Variants in CNST observed in about 807,000 individuals in gnomAD.
The protein encoded by CNST is consortin.
In CNST, 39 loss-of-function variants were observed where a neutral mutation model predicts 72.4. That is an observed-to-expected ratio of 0.54 (90% CI 0.42 to 0.70). The LOEUF (loss-of-function observed/expected upper bound fraction) is 0.70, where lower values mean the gene tolerates loss of function less well. Ranked by LOEUF, CNST falls within the 30% of genes least tolerant of loss-of-function variation. The probability of loss-of-function intolerance (pLI) is 0.00; values close to 1 mark genes in which losing one functional copy is unlikely to be tolerated. For synonymous variants in CNST, 332 were observed against 320.1 expected (o/e 1.04, Z -0.40); for missense variants, 871 against 868.5 (o/e 1.00, Z -0.04).
At chr1:246,627,344 A>T (rs1664503651) in intron 3 of CNST, among the ~76,000 whole-genome samples, 1 of 151,544 alleles carries the variant, frequency 6.6e-6, no homozygotes, top group African/African-American at 2.4e-5. Context: ...TCCTTAACTC[A>T]CTCCTTTCCA....
At chr1:246,596,627 T>C (rs182336963) in intron 2 of CNST, among the ~76,000 whole-genome samples, 1 of 152,336 alleles carries the variant, frequency 6.6e-6, no homozygotes, top group Admixed American at 6.5e-5. Context: ...TCACTGATTT[T>C]TGGTATACTC....
At position 246,633,983 on chromosome 1, in the gene CNST, A is replaced by C; in HGVS notation, c.676A>C (p.Asn226His). 6.2e-7 allele frequency: 1 copy of C among 1,613,052 alleles called. No individual in the cohort carries two copies. ...ERLYHEQLLANLSAIQEQWET... is the reference protein window; with the variant it reads ...ERLYHEQLLAHLSAIQEQWET... ...ATTGTATCATGAGCAATTGCTCGCAAATCTTTCTGCCATTCAAGAACAGTG... is the reference window on the plus strand; with the variant it reads ...ATTGTATCATGAGCAATTGCTCGCACATCTTTCTGCCATTCAAGAACAGTG... The change falls in exon 5 of 11, where the codon AAT becomes CAT. Residue 226 changes from asparagine to histidine, a missense_variant. Physicochemically the swap from Asn to His is moderately conservative, Grantham distance 68. Coordinates refer to ENST00000366513, the MANE Select transcript of CNST (RefSeq NM_152609.3).
intron 1 of CNST, among the ~76,000 whole-genome samples, chr1:246,568,182 T>C (rs1659844112): frequency 6.6e-6 from 1 of 152,136 alleles, no homozygotes; most frequent in Non-Finnish European, 1.5e-5. Flanking sequence ...AAACACATTG[T>C]GGTTAAAAAC....
At chr1:246,611,282 G>C (rs1267632592) in intron 2 of CNST, among the ~76,000 whole-genome samples, 1 of 152,052 alleles carries the variant, frequency 6.6e-6, no homozygotes, top group East Asian at 1.9e-4. Context: ...GTCTTGTTCA[G>C]GCATACCTTT....
intron 1 of CNST, among the ~76,000 whole-genome samples, chr1:246,584,180 G>T (rs1014812033): frequency 6.6e-6 from 1 of 152,196 alleles, no homozygotes; most frequent in Admixed American, 6.5e-5. Context: ...GGTCTCAAGC[G>T]ATCCTCGCAG....
intron 6 of CNST, among the ~76,000 whole-genome samples, chr1:246,639,459 G>A (rs538233408): frequency 1.3e-5 from 2 of 152,092 alleles, no homozygotes; most frequent in East Asian, 1.9e-4. Flanking sequence ...GTGTGCGGTC[G>A]GTTGTGAGCC....
intron 2 of CNST, among the ~76,000 whole-genome samples, chr1:246,594,336 A>G (rs952406000): frequency 6.6e-6 from 1 of 152,180 alleles, no homozygotes; most frequent in Non-Finnish European, 1.5e-5. Flanking sequence ...GTTATTTAGT[A>G]TTTATAATAC....
In CNST at chr1:246,568,199, G is replaced by C. The variant is rs143698520; in HGVS notation, c.-52+1536G>C. Among the ~76,000 whole-genome samples, 665 of 152,230 alleles carry C rather than the reference G, an allele frequency of 4.4e-3. 3 individuals carry two copies. Among genetic ancestry groups the C allele is most frequent in the African/African-American group, 0.015 (638 of 41,520 alleles). On this transcript the variant is annotated intron_variant, in intron 1 of 10. Transcript: ENST00000366513. ...ACACATTGTGGTTAAAAACAAAACAGTTATTTTAAAATGCACTGTCTTATT... is the reference window on the plus strand; with the variant it reads ...ACACATTGTGGTTAAAAACAAAACACTTATTTTAAAATGCACTGTCTTATT...
chr1:246,647,942 C>A lies in CNST; in HGVS notation c.1741C>A (p.Pro581Thr), dbSNP rs764848856. 3.7e-6 allele frequency: 6 copies of A among 1,613,448 alleles called. No homozygotes were observed. The change falls in exon 9 of 11, where the codon CCT (proline) becomes ACT (threonine). Residue 581 changes from proline (P) to threonine (T), a missense_variant. Physicochemically the swap from Pro to Thr is conservative, Grantham distance 38 (BLOSUM62 -1). Coordinates refer to ENST00000366513, the MANE Select transcript of CNST (RefSeq NM_152609.3). ...CTCCGATCTCCTTCAAGATCTCTCTCCTGAAGAAGCATCCTATAGTCTCCA... is the reference window on the plus strand; with the variant it reads ...CTCCGATCTCCTTCAAGATCTCTCTACTGAAGAAGCATCCTATAGTCTCCA... ...DDSDLLQDLS[P>T]EEASYSLQEN...
intron 2 of CNST, among the ~76,000 whole-genome samples, chr1:246,597,595 C>T (rs1444319398): frequency 6.6e-6 from 1 of 152,206 alleles, no homozygotes; most frequent in African/African-American, 2.4e-5. Context: ...GAAGGGAAGA[C>T]CTTTCTCAAT....
At chr1:246,614,750 G>A (rs1663571834) in intron 2 of CNST, among the ~76,000 whole-genome samples, 1 of 152,148 alleles carries the variant, frequency 6.6e-6, no homozygotes, top group Non-Finnish European at 1.5e-5. Context: ...GATTACAGAT[G>A]TGAGCCACCA....
At position 246,647,417 on chromosome 1, in the gene CNST, G is replaced by T; in HGVS notation, c.1216G>T (p.Glu406Ter). The T allele has an allele frequency of 1.2e-6, 2 of 1,614,218 alleles. No individual in the cohort carries two copies. Among genetic ancestry groups the T allele is most frequent in the Non-Finnish European group, 1.7e-6 (2 of 1,180,044 alleles). The change falls in exon 9 of 11, where the codon GAG becomes TAG. Residue 406 changes from glutamate (E) to a stop codon, truncating the protein, a stop_gained. Coordinates refer to ENST00000366513, the MANE Select transcript of CNST (RefSeq NM_152609.3). LOFTEE classifies it high-confidence loss of function. ...DDSRLQLAQTEACQDVARIEG... is the reference protein window; with the variant it reads ...DDSRLQLAQT ...CAGTCGCTTGCAGCTGGCTCAAACA[G>T]AGGCCTGCCAGGATGTGGCCAGAAT...
chr1:246,566,559 A>C lies in CNST; in HGVS notation c.-156A>C. On this transcript the variant is annotated 5_prime_UTR_variant, in exon 1 of 11. Transcript: ENST00000366513. ...GTCTCCTCCACCGGAGCCAGGGGAGACCCGAGCAAGCTCCGTGACAGCACG... is the reference window on the plus strand; with the variant it reads ...GTCTCCTCCACCGGAGCCAGGGGAGCCCCGAGCAAGCTCCGTGACAGCACG... 1 of 410,398 alleles carries C rather than the reference A, an allele frequency of 2.4e-6. No homozygotes were observed. Among genetic ancestry groups the C allele is most frequent in the Non-Finnish European group, 4.3e-6 (1 of 231,256 alleles). The allele number at this position is 410,398 out of a possible 1,614,324, so 25.4% of individuals were successfully genotyped here. A position where few individuals can be genotyped will look rare whatever the true frequency, so the allele number is the denominator to read the frequency against.
At chr1:246,655,442 C>T (rs936132454) in intron 9 of CNST, among the ~76,000 whole-genome samples, 1 of 152,132 alleles carries the variant, frequency 6.6e-6, no homozygotes, top group African/African-American at 2.4e-5. Flanking sequence ...ATCAATCTGC[C>T]ATAGAAGGAG....
intron 1 of CNST, among the ~76,000 whole-genome samples, chr1:246,575,903 T>A (rs28515004): frequency 6.6e-6 from 1 of 152,110 alleles, no homozygotes; most frequent in Admixed American, 6.5e-5. Context: ...AGAACAATAC[T>A]GACACTTTAA....
chr1:246,639,769 C>A (rs148945793), intron 6 of CNST, among the ~76,000 whole-genome samples: 1 of 152,184 alleles, frequency 6.6e-6, no homozygotes, highest in Admixed American at 6.5e-5. Flanking sequence ...CAGCACAAAG[C>A]GGTGTGGAGC....
At chr1:246,601,168 G>A (rs1662264263) in intron 2 of CNST, among the ~76,000 whole-genome samples, 1 of 152,038 alleles carries the variant, frequency 6.6e-6, no homozygotes, top group African/African-American at 2.4e-5. Context: ...TAGCAGGCGT[G>A]GTGGCATACA....
At chr1:246,602,979 T>C (rs1662411816) in intron 2 of CNST, among the ~76,000 whole-genome samples, 1 of 151,992 alleles carries the variant, frequency 6.6e-6, no homozygotes, top group African/African-American at 2.4e-5. Flanking sequence ...AGAATTACAA[T>C]CAATCAAACC....
At chr1:246,638,112 T>A (rs1046199368) in intron 6 of CNST, among the ~76,000 whole-genome samples, 1 of 152,160 alleles carries the variant, frequency 6.6e-6, no homozygotes, top group Non-Finnish European at 1.5e-5. Context: ...CAAGAGAGGT[T>A]TGTAGCCGAC....
Sources: gnomAD v4.1 joint callset for allele counts (sites outside exome capture counted in the v4.1 genomes callset) on GRCh38, gnomAD v4.1.1 for gene constraint, MANE v1.5 for transcripts, NCBI Gene and HGNC (gene_info 2026-07-23, HGNC 2026-07-21) for gene names.